GFRAL: variants seen among roughly 807,000 people sequenced by gnomAD.
The protein encoded by GFRAL is GDNF family receptor alpha like, also known as GDNF family receptor alpha-like.
GFRAL carries 36 observed loss-of-function variants against 45.4 expected under a neutral mutation model. That is an observed-to-expected ratio of 0.79 (90% confidence interval 0.61 to 1.05). The LOEUF (loss-of-function observed/expected upper bound fraction) is 1.05, where lower values mean the gene tolerates loss of function less well. GFRAL is among the 50% of genes least tolerant of loss of function. GFRAL has a pLI of 0.00. For synonymous variants in GFRAL, 166 were observed against 154.1 expected, an observed-to-expected ratio of 1.08 and a Z score of -0.57; for missense variants, 507 against 467.5, an observed-to-expected ratio of 1.08 and a Z score of -0.78.
intron 6 of GFRAL, among the ~76,000 whole-genome samples, chr6:55,378,237 G>C (rs1768560694): frequency 6.6e-6 from 1 of 152,148 alleles, no homozygotes; most frequent in African/African-American, 2.4e-5. Flanking sequence ...CATAAAAAAA[G>C]ATTAGGCATT....
chr6:55,374,488 C>G (rs1237993649), intron 6 of GFRAL, among the ~76,000 whole-genome samples: 1 of 151,402 alleles, frequency 6.6e-6, no homozygotes, highest in Admixed American at 6.6e-5. Context: ...TGTTTTTTTT[C>G]TTTTCAATTT....
intron 6 of GFRAL, among the ~76,000 whole-genome samples, chr6:55,362,214 T>G (rs1768284534): frequency 6.6e-6 from 1 of 151,324 alleles, no homozygotes; most frequent in Non-Finnish European, 1.5e-5. Context: ...TGTGGTATAG[T>G]CATGACCCTG....
intron 3 of GFRAL, among the ~76,000 whole-genome samples, chr6:55,340,425 C>T (rs1767947165): frequency 6.6e-6 from 1 of 152,112 alleles, no homozygotes; most frequent in African/African-American, 2.4e-5. Flanking sequence ...AAATATTTTT[C>T]ATTAACTAAA....
Position 55,354,774 on chromosome 6 carries a change from T to G in GFRAL, c.701+3191T>G, listed in dbSNP as rs1366809120. ...TACTTATCTTTTTTGCAGAAGAGCC[T>G]GTACATAGGCAAAACAGGGCACTTC... On this transcript the variant is annotated intron_variant, in intron 5 of 8. Coordinates refer to ENST00000340465, the MANE Select transcript of GFRAL (RefSeq NM_207410.2). 3.3e-5 allele frequency among the ~76,000 whole-genome samples: 5 copies of G among 152,040 alleles called. 1 individual carries two copies. The highest frequency in any genetic ancestry group is 1.2e-4 in the African/African-American group (5 of 41,432).
intron 3 of GFRAL, among the ~76,000 whole-genome samples, chr6:55,344,579 A>G (rs935393233): frequency 2.0e-5 from 3 of 152,220 alleles, no homozygotes; most frequent in African/African-American, 7.2e-5. Flanking sequence ...CCCACAGTCA[A>G]TATCATACTG....
At chr6:55,392,661 G>A (rs1768768931) in intron 6 of GFRAL, among the ~76,000 whole-genome samples, 3 of 151,972 alleles carry the variant, frequency 2.0e-5, no homozygotes, top group African/African-American at 7.3e-5. Context: ...CAAACCTCAG[G>A]GTGAAAAGTT....
intron 3 of GFRAL, among the ~76,000 whole-genome samples, chr6:55,348,030 A>G (rs1768066177): frequency 6.6e-6 from 1 of 152,176 alleles, no homozygotes; most frequent in Non-Finnish European, 1.5e-5. Context: ...AAGAAAAAGA[A>G]GATGTATGGA....
rs564998271 is a variant in GFRAL, at chr6:55,373,107, T to C, written c.952+13969T>C. Among the ~76,000 whole-genome samples the C allele has an allele frequency of 2.8e-4, 42 of 151,614 alleles. 1 individual carries two copies. Among genetic ancestry groups the C allele is most frequent in the African/African-American group, 8.0e-4 (33 of 41,318 alleles). ...AACCTCAAAAAAAAAAAAAAACTTC[T>C]ATTCAAAATCAGGAAAAATGGGAGA... is the stretch of plus-strand genomic sequence containing the variant. On this transcript the variant is annotated intron_variant, in intron 6 of 8. Transcript: ENST00000340465.
At chr6:55,330,512 T>A (rs1449569883) in intron 1 of GFRAL, among the ~76,000 whole-genome samples, 1 of 152,050 alleles carries the variant, frequency 6.6e-6, no homozygotes, top group Non-Finnish European at 1.5e-5. Context: ...CAAGTAAAGT[T>A]TCCAGAAAAT....
At chr6:55,334,550 A>G (rs544837380) in intron 3 of GFRAL, among the ~76,000 whole-genome samples, 2 of 152,308 alleles carry the variant, frequency 1.3e-5, no homozygotes, top group South Asian at 2.1e-4. Flanking sequence ...CCAGTCTTCA[A>G]TGTCCCTATA....
intron 6 of GFRAL, among the ~76,000 whole-genome samples, chr6:55,379,005 C>T (rs779536758): frequency 3.3e-5 from 5 of 151,996 alleles, no homozygotes; most frequent in Non-Finnish European, 7.4e-5. Context: ...AATGGTTTTG[C>T]TTCAGAGCCC....
chr6:55,388,541 G>A (rs1768708278), intron 6 of GFRAL, among the ~76,000 whole-genome samples: 1 of 152,066 alleles, frequency 6.6e-6, no homozygotes, highest in African/African-American at 2.4e-5. Flanking sequence ...AGAACATATG[G>A]TAGCTATTAC....
chr6:55,375,089 C>T (rs1358872308), intron 6 of GFRAL, among the ~76,000 whole-genome samples: 1 of 151,936 alleles, frequency 6.6e-6, no homozygotes, highest in Non-Finnish European at 1.5e-5. Context: ...TTGCTTAGGA[C>T]TGTCTTGGCT....
intron 2 of GFRAL, 132 bp from the exon 3 acceptor site, chr6:55,333,654 C>T (rs1239924265): frequency 6.1e-6 from 3 of 493,848 alleles, no homozygotes; most frequent in African/African-American, 2.0e-5. Context: ...ATATGGATAT[C>T]TTGCAGCAAC....
rs999869531 is a variant in GFRAL at position 55,351,523 on chromosome 6, T to C, written c.641T>C (p.Met214Thr). The change falls in exon 5 of 9, where the codon ATG becomes ACG. Residue 214 changes from methionine to threonine, a missense_variant. Physicochemically the swap from Met to Thr is moderately conservative, Grantham distance 81. Transcript: ENST00000340465. ...CACAGCAAGACATGTGCAGTGAACATGGTTCCACCCCCTACTTGCCTCAGT... is the reference window on the plus strand; with the variant it reads ...CACAGCAAGACATGTGCAGTGAACACGGTTCCACCCCCTACTTGCCTCAGT... ...ALHSKTCAVN[M>T]VPPPTCLSVI... 3.1e-6 allele frequency: 5 copies of C among 1,611,918 alleles called. No homozygotes were observed. Among genetic ancestry groups the C allele is most frequent in the Middle Eastern group, 1.6e-4 (1 of 6,070 alleles).
intron 3 of GFRAL, among the ~76,000 whole-genome samples, chr6:55,340,687 G>T (rs1055407533): frequency 5.9e-5 from 9 of 152,214 alleles, no homozygotes; most frequent in African/African-American, 1.7e-4. Context: ...CAGGATAGTG[G>T]GTGCAGCCTA....
intron 6 of GFRAL, among the ~76,000 whole-genome samples, chr6:55,387,466 G>A (rs1768694408): frequency 6.6e-6 from 1 of 152,182 alleles, no homozygotes; most frequent in South Asian, 2.1e-4. Context: ...AAAGAGCCAA[G>A]TATTCTTGTG....
intron 6 of GFRAL, among the ~76,000 whole-genome samples, chr6:55,378,315 G>T (rs1410080139): frequency 6.6e-6 from 1 of 152,014 alleles, no homozygotes; most frequent in Non-Finnish European, 1.5e-5. Flanking sequence ...AATTCTAGTT[G>T]GAAAGCATCA....
At chr6:55,356,094 A>G (rs944237612) in intron 5 of GFRAL, among the ~76,000 whole-genome samples, 1 of 151,884 alleles carries the variant, frequency 6.6e-6, no homozygotes, top group African/African-American at 2.4e-5. Flanking sequence ...ATGATGAAAA[A>G]TCTTAATGTG....
Sources: gnomAD v4.1 joint callset for allele counts (sites outside exome capture counted in the v4.1 genomes callset) on GRCh38, gnomAD v4.1.1 for gene constraint, MANE v1.5 for transcripts, NCBI Gene and HGNC (gene_info 2026-07-23, HGNC 2026-07-21) for gene names.